The following TSPAN19 variants were observed in gnomAD, a reference collection of about 807,000 sequenced individuals.
TSPAN19 encodes the protein tetraspanin 19.
In TSPAN19, 44 loss-of-function variants were observed where a neutral mutation model predicts 35.1. The observed-to-expected ratio is 1.25, with a 90% confidence interval of 0.98 to 1.61. The LOEUF (loss-of-function observed/expected upper bound fraction) is 1.61, where lower values mean the gene tolerates loss of function less well. Ranked by LOEUF, TSPAN19 falls within the 40% of genes most tolerant of loss-of-function variation. TSPAN19 has a pLI of 0.00. For missense variants in TSPAN19, 290 were observed against 280.0 expected, an observed-to-expected ratio of 1.04 and a Z score of -0.26; for synonymous variants, 79 against 92.0, an observed-to-expected ratio of 0.86 and a Z score of 0.81.
chr12:85,016,318 C>G (rs1876796744), intron 7 of TSPAN19: 1 of 173,712 alleles, frequency 5.8e-6, no homozygotes, highest in African/African-American at 2.4e-5. Flanking sequence ...CCTGAAAACA[C>G]AGACAGTATC....
intron 8 of TSPAN19, chr12:85,015,099 T>C (rs2135788930): frequency 6.6e-6 from 1 of 152,060 alleles, no homozygotes; most frequent in South Asian, 2.1e-4. Flanking sequence ...ACTAAAATTG[T>C]TACCAATTGA....
chr12:85,030,138 C>T (rs982984862), intron 1 of TSPAN19, among the ~76,000 whole-genome samples, 165 bp from the exon 2 acceptor site: 1 of 152,002 alleles, frequency 6.6e-6, no homozygotes, highest in East Asian at 1.9e-4. Flanking sequence ...TGAAACTGTA[C>T]CTTGCCTGCA....
chr12:85,035,726 C>CA (rs1417290222), intron 1 of TSPAN19, among the ~76,000 whole-genome samples: 2 of 151,848 alleles, frequency 1.3e-5, no homozygotes, highest in South Asian at 2.1e-4. Flanking sequence ...ATTTGCTCCA[C>CA]AAAAAACTTT....
At chr12:85,023,452 G>C in intron 4 of TSPAN19, 52 bp from the exon 5 acceptor site, 1 of 1,388,244 alleles carries the variant, frequency 7.2e-7, no homozygotes, top group East Asian at 2.5e-5. Flanking sequence ...TATATGTTTT[G>C]TATGCTCAAA....
intron 1 of TSPAN19, among the ~76,000 whole-genome samples, chr12:85,033,853 G>T (rs1592669700): frequency 6.6e-6 from 1 of 152,120 alleles, no homozygotes; most frequent in East Asian, 1.9e-4. Context: ...AAAATTAGAT[G>T]AGATTATGTT....
At chr12:85,031,424 C>T (rs1233861402) in intron 1 of TSPAN19, among the ~76,000 whole-genome samples, 2 of 152,172 alleles carry the variant, frequency 1.3e-5, no homozygotes, top group East Asian at 3.9e-4. Flanking sequence ...AAGGTCTTGG[C>T]CCCTGTCTGT....
chr12:85,033,366 A>G (rs780494632), intron 1 of TSPAN19, among the ~76,000 whole-genome samples: 87 of 151,834 alleles, frequency 5.7e-4, no homozygotes, highest in Non-Finnish European at 1.1e-3. Context: ...TTTTTCCTGA[A>G]GGTAATAGGG....
intron 4 of TSPAN19, among the ~76,000 whole-genome samples, chr12:85,024,060 G>A (rs150436447): frequency 7.2e-5 from 11 of 152,222 alleles, no homozygotes; most frequent in African/African-American, 2.6e-4. Context: ...TGCATGAAAT[G>A]GTAAACTACC....
chr12:85,026,069 C>A (rs1466063617), intron 4 of TSPAN19, among the ~76,000 whole-genome samples: 2 of 152,146 alleles, frequency 1.3e-5, no homozygotes, highest in Non-Finnish European at 2.9e-5. Context: ...ATGATGGCGT[C>A]TATCAGGCTT....
Position 85,015,947 on chromosome 12 carries a change from A to G in TSPAN19, c.619T>C (p.Trp207Arg). 1 of 1,546,352 alleles carries G rather than the reference A, an allele frequency of 6.5e-7. No homozygotes were observed. Among genetic ancestry groups the G allele is most frequent in the Non-Finnish European group, 8.7e-7 (1 of 1,144,772 alleles). Reference sequence around the variant, plus strand: ...AAGGTTAACACATTAACATTATACCATGCACTGATTTTATTTTCACAACCC... The same window carrying G: ...AAGGTTAACACATTAACATTATACCGTGCACTGATTTTATTTTCACAACCC... The part of the protein sequence containing the change: ...LEGCENKISA[W>R]YNVNVLTLIG... Residue 207 changes from tryptophan (W) to arginine (R), a missense_variant, in exon 8 of 9, where the codon TGG (tryptophan) becomes CGG (arginine). Physicochemically the swap from Trp to Arg is moderately radical, Grantham distance 101. Coordinates refer to ENST00000532498, the MANE Select transcript of TSPAN19 (RefSeq NM_001100917.2).
At chr12:85,035,076 C>G (rs984317666) in intron 1 of TSPAN19, 1 of 151,996 alleles carries the variant, frequency 6.6e-6, no homozygotes, top group Non-Finnish European at 1.5e-5. Flanking sequence ...AACTTCAACA[C>G]AATATGAAAG....
chr12:85,017,689 A>C (rs1876891351), intron 6 of TSPAN19, 90 bp from the exon 7 acceptor site: 1 of 957,672 alleles, frequency 1.0e-6, no homozygotes, highest in African/African-American at 1.7e-5. Flanking sequence ...TTTGTGATGA[A>C]GATAACTCAT....
intron 1 of TSPAN19, among the ~76,000 whole-genome samples, chr12:85,032,509 C>T (rs1398141258): frequency 3.3e-5 from 5 of 151,982 alleles, no homozygotes; most frequent in Admixed American, 6.6e-5. Flanking sequence ...ATGTAGGCAA[C>T]GTGGTAAGGA....
intron 1 of TSPAN19, among the ~76,000 whole-genome samples, chr12:85,034,003 T>C (rs917585337): frequency 7.9e-5 from 12 of 152,068 alleles, no homozygotes; most frequent in African/African-American, 2.4e-4. Flanking sequence ...GGGAATGGGA[T>C]GGAAACTGTG....
In TSPAN19 at chr12:85,027,942, C is replaced by A. The variant is rs930146421; in HGVS notation, c.221G>T (p.Gly74Val). The A allele has an allele frequency of 6.3e-7, 1 of 1,596,814 alleles. No individual in the cohort carries two copies. Among genetic ancestry groups the A allele is most frequent in the African/African-American group, 1.3e-5 (1 of 74,528 alleles). ...GSSTVLFCLLGYIGIHNEIRW... is the reference protein window; with the variant it reads ...GSSTVLFCLLVYIGIHNEIRW... ...GATTTCGTTGTGAATTCCTATATAACCCAATAGACAAAAAAGAACAGTAGA... is the reference window on the plus strand; with the variant it reads ...GATTTCGTTGTGAATTCCTATATAAACCAATAGACAAAAAAGAACAGTAGA... The change falls in exon 4 of 9, where the codon GGT becomes GTT. Residue 74 changes from glycine to valine, a missense_variant. By Grantham distance (109) the Gly-to-Val change is moderately radical (BLOSUM62 -3). Coordinates refer to ENST00000532498, the MANE Select transcript of TSPAN19 (RefSeq NM_001100917.2).
chr12:85,032,630 A>G lies in TSPAN19; in HGVS notation c.-27-2657T>C, dbSNP rs548771888. On this transcript the variant is annotated intron_variant, in intron 1 of 8. Coordinates refer to ENST00000532498, the MANE Select transcript of TSPAN19 (RefSeq NM_001100917.2). ...AAGCCCATGACTATGTTTACAAAGA[A>G]TGGTAAAATGAGATGTTCATGTGTT... Among the ~76,000 whole-genome samples the G allele has an allele frequency of 2.6e-4, 40 of 152,298 alleles. No homozygotes were observed. In the South Asian group the frequency reaches 3.1e-3, roughly 12 times the overall value.
Position 85,014,426 on chromosome 12 carries a change from T to C in TSPAN19, c.*61A>G. On this transcript the variant is annotated 3_prime_UTR_variant, in exon 9 of 9. Coordinates refer to ENST00000532498, the MANE Select transcript of TSPAN19 (RefSeq NM_001100917.2). Reference sequence around the variant, plus strand: ...AATTCAAAACGTTTTTGGAATAAAATAATATAATGTGATTTTTTAAGAATT... The same window carrying C: ...AATTCAAAACGTTTTTGGAATAAAACAATATAATGTGATTTTTTAAGAATT... 1 of 1,233,652 alleles carries C rather than the reference T, an allele frequency of 8.1e-7. No homozygotes were observed. The highest frequency in any genetic ancestry group is 1.2e-6 in the Non-Finnish European group (1 of 868,842). The allele number at this position is 1,233,652 out of a possible 1,614,324, so 76.4% of individuals were successfully genotyped here.
chr12:85,017,421 T>C (rs1355805474), intron 7 of TSPAN19, 35 bp downstream of exon 7: 1 of 1,567,050 alleles, frequency 6.4e-7, no homozygotes, highest in Non-Finnish European at 8.7e-7. Flanking sequence ...AACAAAATAC[T>C]ATAAATACTT....
chr12:85,025,422 G>A (rs1434806741), intron 4 of TSPAN19, among the ~76,000 whole-genome samples: 2 of 152,098 alleles, frequency 1.3e-5, no homozygotes, highest in Admixed American at 1.3e-4. Context: ...TTACAGGCGT[G>A]AGCCACCACA....
Sources: allele counts gnomAD v4.1 joint callset (sites outside exome capture counted in the v4.1 genomes callset), GRCh38; gene constraint gnomAD v4.1.1; transcripts MANE v1.5; gene names NCBI Gene and HGNC (gene_info 2026-07-23, HGNC 2026-07-21).